Variants in FAM120B observed in about 807,000 individuals in gnomAD.
FAM120B encodes the protein family with sequence similarity 120 member B.
A neutral mutation model predicts 96.3 loss-of-function variants in FAM120B; 83 were observed. That is an observed-to-expected ratio of 0.86 (90% CI 0.72 to 1.03). FAM120B has a LOEUF of 1.03. FAM120B is among the 50% of genes least tolerant of loss of function. The pLI is 0.00. For synonymous variants in FAM120B, 407 were observed against 402.7 expected, an observed-to-expected ratio of 1.01 and a Z score of -0.13; for missense variants, 1,027 against 1,121.2, an observed-to-expected ratio of 0.92 and a Z score of 1.20.
chr6:170,395,363 CTCCCTCTGATTTA>C (rs1232382749), intron 8 of FAM120B, 111 bp from the exon 9 acceptor site: 5 of 769,050 alleles, frequency 6.5e-6, no homozygotes, highest in Non-Finnish European at 1.1e-5. Context: ...TTTCATGACC[CTCCCTCTGATTTA>C]AGTACGGGGA....
At chr6:170,365,729 CT>C (rs1476881930) in intron 6 of FAM120B, among the ~76,000 whole-genome samples, 2 of 151,218 alleles carry the variant, frequency 1.3e-5, no homozygotes, top group African/African-American at 2.4e-5. Flanking sequence ...CCCCTCCCCC[CT>C]GCCAGGCTGC....
At chr6:170,371,617 G>GTTTA (rs1307955897) in intron 6 of FAM120B, among the ~76,000 whole-genome samples, 1 of 151,998 alleles carries the variant, frequency 6.6e-6, no homozygotes, top group Non-Finnish European at 1.5e-5. Flanking sequence ...GATGCAAAAG[G>GTTTA]GTAAAAAAGA....
At chr6:170,371,296 G>T (rs2115250545) in intron 6 of FAM120B, among the ~76,000 whole-genome samples, 1 of 152,164 alleles carries the variant, frequency 6.6e-6, no homozygotes, top group Non-Finnish European at 1.5e-5. Context: ...TGTTTCCCAG[G>T]TTCTCAGTGG....
At chr6:170,388,543 G>C (rs752506839) in intron 7 of FAM120B, 50 bp downstream of exon 7, 17 of 1,498,634 alleles carry the variant, frequency 1.1e-5, no homozygotes, top group Non-Finnish European at 4.6e-6. Flanking sequence ...TGTAGCTCCA[G>C]GCTGCACAAA....
rs574552671 is a variant in FAM120B, at chr6:170,365,697, AC to A, written c.2283+7380del. 4.8e-4 allele frequency among the ~76,000 whole-genome samples: 73 copies of A among 152,084 alleles called. 1 individual carries two copies. In the South Asian group the frequency reaches 0.015, roughly 31 times the overall value. ...GGCATGAGCACGGGCCTCCTGACAC[AC>A]ACACACACCCCTCCCTCCCCCCCCT... On this transcript the variant is annotated intron_variant, in intron 6 of 10. Transcript: ENST00000476287.
intron 3 of FAM120B, among the ~76,000 whole-genome samples, chr6:170,328,440 T>C (rs1156377411): frequency 1.3e-5 from 2 of 152,190 alleles, no homozygotes; most frequent in Non-Finnish European, 1.5e-5. Flanking sequence ...GGGTATAGTT[T>C]TGCTGCATAT....
chr6:170,369,689 GTT>G (rs556518944), intron 6 of FAM120B, among the ~76,000 whole-genome samples: 8 of 133,592 alleles, frequency 6.0e-5, no homozygotes, highest in African/African-American at 1.4e-4. Context: ...ACTTAGGGTA[GTT>G]TTTTTTTTTT....
In FAM120B at chr6:170,406,019, A is replaced by G. The variant is rs1778790572; in HGVS notation, c.*1268A>G. On this transcript the variant is annotated 3_prime_UTR_variant, in exon 11 of 11. Transcript: ENST00000476287. ...GCATTGAAGGACTTTTGGTTAAAAA[A>G]AAAAATTAAGTTCAGAGTAATCCTT... The G allele has an allele frequency of 6.6e-6, 1 of 152,264 alleles. No homozygotes were observed. The highest frequency in any genetic ancestry group is 1.5e-5 in the Non-Finnish European group (1 of 68,060). 9.4% of individuals were successfully genotyped at this position (152,264 alleles called of 1,614,324 possible). A position where few individuals can be genotyped will look rare whatever the true frequency, so the allele number is the denominator to read the frequency against.
intron 3 of FAM120B, among the ~76,000 whole-genome samples, chr6:170,326,704 T>C (rs956904412): frequency 6.6e-6 from 1 of 152,202 alleles, no homozygotes; most frequent in Non-Finnish European, 1.5e-5. Context: ...CTTTATTCAA[T>C]TTTCCCATGT....
At chr6:170,383,459 A>G (rs1790028464) in intron 6 of FAM120B, among the ~76,000 whole-genome samples, 1 of 152,242 alleles carries the variant, frequency 6.6e-6, no homozygotes, top group African/African-American at 2.4e-5. Context: ...TCAGAACTCA[A>G]CATTAAAAAC....
chr6:170,351,410 A>G (rs945509859), intron 5 of FAM120B, among the ~76,000 whole-genome samples: 5 of 152,316 alleles, frequency 3.3e-5, no homozygotes, highest in South Asian at 2.1e-4. Context: ...CAACCTAGCA[A>G]GATAGGCCAA....
At chr6:170,325,388 C>G (rs986432867) in intron 3 of FAM120B, among the ~76,000 whole-genome samples, 1 of 152,136 alleles carries the variant, frequency 6.6e-6, no homozygotes, top group African/African-American at 2.4e-5. Flanking sequence ...GAACGTAACT[C>G]TTGGCATAAT....
intron 4 of FAM120B, among the ~76,000 whole-genome samples, chr6:170,333,626 C>A (rs1242350810): frequency 6.6e-6 from 1 of 151,254 alleles, no homozygotes; most frequent in Non-Finnish European, 1.5e-5. Flanking sequence ...GCTGGGACTA[C>A]AGGCACATGC....
In FAM120B at chr6:170,317,591, C is replaced by G; in HGVS notation, c.201C>G (p.Tyr67Ter). The G allele has an allele frequency of 6.2e-7, 1 of 1,614,174 alleles. No homozygotes were observed. Among genetic ancestry groups the G allele is most frequent in the Non-Finnish European group, 8.5e-7 (1 of 1,180,032 alleles). The change falls in exon 2 of 11, where the codon TAC (tyrosine) becomes TAG (stop). Residue 67 changes from tyrosine to a stop codon, truncating the protein, a stop_gained. Coordinates refer to ENST00000476287, the MANE Select transcript of FAM120B (RefSeq NM_032448.3). LOFTEE classifies it high-confidence loss of function. ...SWICGGQWRE[Y>*]FSALRDFVKT... is the part of the protein sequence containing the mutation. The stretch of plus-strand genomic sequence containing the variant: ...TCTGCGGTGGCCAGTGGCGAGAATA[C>G]TTTTCTGCTTTGCGAGATTTTGTTA...
At chr6:170,401,264 G>A (rs977021183) in intron 9 of FAM120B, among the ~76,000 whole-genome samples, 11 of 152,156 alleles carry the variant, frequency 7.2e-5, no homozygotes, top group Non-Finnish European at 1.0e-4. Flanking sequence ...TGGTTTCCTC[G>A]TCCTGCCTGA....
At chr6:170,317,220 C>T (rs1784953746) in intron 1 of FAM120B, 150 bp from the exon 2 acceptor site, 1 of 619,694 alleles carries the variant, frequency 1.6e-6, no homozygotes, top group East Asian at 2.7e-5. Flanking sequence ...ATTGAGAACT[C>T]TTAAGGCTCC....
At chr6:170,336,123 A>G (rs546183626) in intron 4 of FAM120B, among the ~76,000 whole-genome samples, 2 of 152,304 alleles carry the variant, frequency 1.3e-5, no homozygotes, top group South Asian at 2.1e-4. Context: ...GTCTTTGCCC[A>G]TGCCTATGTC....
chr6:170,367,920 C>T (rs1583276925), intron 6 of FAM120B, among the ~76,000 whole-genome samples: 2 of 152,168 alleles, frequency 1.3e-5, no homozygotes, highest in Non-Finnish European at 1.5e-5. Context: ...ATTTGGGAGT[C>T]TGTAGGGGTA....
intron 8 of FAM120B, among the ~76,000 whole-genome samples, chr6:170,392,442 G>A (rs1790527631): frequency 1.3e-5 from 2 of 152,276 alleles, no homozygotes; most frequent in African/African-American, 2.4e-5. Flanking sequence ...TCTTGACCTC[G>A]TGATCCGCTG....
Sources: allele counts gnomAD v4.1 joint callset (sites outside exome capture counted in the v4.1 genomes callset), GRCh38; gene constraint gnomAD v4.1.1; transcripts MANE v1.5; gene names NCBI Gene and HGNC (gene_info 2026-07-23, HGNC 2026-07-21).